The following CAST variants were observed in gnomAD, a reference collection of about 807,000 sequenced individuals.
The protein encoded by CAST is MIR583 host.
A neutral mutation model predicts 119.6 loss-of-function variants in CAST; 76 were observed. That is an observed-to-expected ratio of 0.64 (90% CI 0.53 to 0.77). The LOEUF is 0.77. Among genes scored for constraint, CAST ranks in the 30% least tolerant of loss-of-function variants. CAST has a pLI of 0.00. For missense variants in CAST, 953 were observed against 946.5 expected (o/e 1.01, Z -0.09); for synonymous variants, 319 against 331.6 (o/e 0.96, Z 0.41).
chr5:96,512,997 A>G, the CAST span, among the ~76,000 whole-genome samples: 1 of 152,356 alleles, frequency 6.6e-6, no homozygotes, highest in East Asian at 1.9e-4. Flanking sequence ...CTATGACTAC[A>G]TGAGCAGGGA....
the CAST span, among the ~76,000 whole-genome samples, chr5:96,146,452 C>G: frequency 6.1e-4 from 93 of 152,350 alleles, no homozygotes; most frequent in African/African-American, 2.1e-3. Context: ...AGGCCTCAGG[C>G]AGGGCCTGGG....
the CAST span, among the ~76,000 whole-genome samples, chr5:96,249,153 A>G: frequency 4.6e-5 from 7 of 152,358 alleles, no homozygotes; most frequent in East Asian, 9.6e-4. Flanking sequence ...TACATTGAAC[A>G]TGAAAGAAGA....
chr5:96,291,843 CGTGTGTGT>C, the CAST span, among the ~76,000 whole-genome samples: 3,373 of 133,042 alleles, frequency 0.025, 121 homozygotes, highest in African/African-American at 0.089. Flanking sequence ...TCCCAGTCTG[CGTGTGTGT>C]GTGTGTGTGT....
At chr5:96,500,774 G>T in the CAST span, among the ~76,000 whole-genome samples, 1 of 152,154 alleles carries the variant, frequency 6.6e-6, no homozygotes, top group East Asian at 1.9e-4. Context: ...TCACCGTCTC[G>T]GGAAATGGGA....
At chr5:96,616,489 T>C (rs962575325) in intron 1 of CAST, among the ~76,000 whole-genome samples, 2 of 152,118 alleles carry the variant, frequency 1.3e-5, no homozygotes, top group African/African-American at 4.8e-5. Flanking sequence ...GCCTGGGACA[T>C]TGATGTGGCA....
At chr5:96,742,486 C>A (rs1362253046) in intron 15 of CAST, 169 bp from the exon 16 acceptor site, 1 of 591,618 alleles carries the variant, frequency 1.7e-6, no homozygotes, top group African/African-American at 1.9e-5. Flanking sequence ...TTGGTAAGTT[C>A]TTTTTCCTTT....
the CAST span, among the ~76,000 whole-genome samples, chr5:96,394,557 G>C: frequency 6.6e-6 from 1 of 152,152 alleles, no homozygotes. Flanking sequence ...ACAAATGTTA[G>C]ATATATGTGA....
chr5:96,108,225 G>A, the CAST span, among the ~76,000 whole-genome samples: 52 of 152,216 alleles, frequency 3.4e-4, no homozygotes, highest in Admixed American at 6.5e-4. Context: ...CTCTCAGCTC[G>A]TCAAAGTCAT....
At chr5:96,021,081 G>A in the CAST span, among the ~76,000 whole-genome samples, 6 of 151,940 alleles carry the variant, frequency 3.9e-5, no homozygotes, top group African/African-American at 1.5e-4. Flanking sequence ...TTAGAATCTG[G>A]TAGTTTTCCT....
chr5:96,762,320 C>T lies in CAST; in HGVS notation c.1880C>T (p.Ser627Phe). 6.2e-7 allele frequency: 1 copy of T among 1,608,330 alleles called. No homozygotes were observed. Among genetic ancestry groups the T allele is most frequent in the Non-Finnish European group, 8.5e-7 (1 of 1,178,152 alleles). The stretch of plus-strand genomic sequence containing the variant: ...GCTGCTGCCATCTCTGAAGTGGTTT[C>T]CCAAACCCCAGCTTCAACGACCCAA... ...KLAAAISEVV[S>F]QTPASTTQAG... Residue 627 changes from serine to phenylalanine, a missense_variant, in exon 25 of 32, where the codon TCC becomes TTC. Transcript: ENST00000675179.
chr5:96,214,027 T>C, the CAST span, among the ~76,000 whole-genome samples: 1 of 152,202 alleles, frequency 6.6e-6, no homozygotes, highest in African/African-American at 2.4e-5. Context: ...CTTGAAGATC[T>C]TTTTGTATTG....
the CAST span, among the ~76,000 whole-genome samples, chr5:96,443,770 C>T: frequency 6.6e-6 from 1 of 152,174 alleles, no homozygotes; most frequent in Non-Finnish European, 1.5e-5. Flanking sequence ...TTAACAATTG[C>T]CTACGCTCTA....
chr5:96,703,466 A>G (rs1487575639), intron 3 of CAST, among the ~76,000 whole-genome samples: 1 of 152,154 alleles, frequency 6.6e-6, no homozygotes. Flanking sequence ...CCTTTACACA[A>G]CCTGAGACGG....
chr5:96,363,928 C>A, the CAST span, among the ~76,000 whole-genome samples: 1 of 152,150 alleles, frequency 6.6e-6, no homozygotes, highest in Non-Finnish European at 1.5e-5. Context: ...AAAGCAAATG[C>A]TTCCAGTTTT....
the CAST span, among the ~76,000 whole-genome samples, chr5:96,228,946 C>T: frequency 4.6e-5 from 7 of 152,046 alleles, no homozygotes; most frequent in South Asian, 1.2e-3. Flanking sequence ...ATGTGCTCTT[C>T]CTGGATTTAC....
chr5:96,354,168 CTGA>C, the CAST span, among the ~76,000 whole-genome samples: 1 of 152,194 alleles, frequency 6.6e-6, no homozygotes, highest in Non-Finnish European at 1.5e-5. Flanking sequence ...CACCAGTCTC[CTGA>C]ACCAAGTGAG....
chr5:96,676,412 T>G (rs1373797159), intron 2 of CAST, among the ~76,000 whole-genome samples: 5 of 152,156 alleles, frequency 3.3e-5, no homozygotes, highest in African/African-American at 9.6e-5. Flanking sequence ...ATCAGGTGTT[T>G]TTCTGAAATT....
At chr5:96,449,907 A>T in the CAST span, among the ~76,000 whole-genome samples, 1 of 152,178 alleles carries the variant, frequency 6.6e-6, no homozygotes, top group Non-Finnish European at 1.5e-5. Flanking sequence ...ATCTCCTGCC[A>T]TCTTGGTATT....
the CAST span, among the ~76,000 whole-genome samples, chr5:96,348,197 A>G: frequency 2.0e-5 from 3 of 152,110 alleles, no homozygotes; most frequent in Non-Finnish European, 4.4e-5. Context: ...GATTTAGAGT[A>G]AGAGTTGGAG....
Sources: gnomAD v4.1 joint callset for allele counts (sites outside exome capture counted in the v4.1 genomes callset) on GRCh38, gnomAD v4.1.1 for gene constraint, MANE v1.5 for transcripts, NCBI Gene and HGNC (gene_info 2026-07-23, HGNC 2026-07-21) for gene names.